MAP3K2: variants seen among roughly 807,000 people sequenced by gnomAD.
The protein encoded by MAP3K2 is MAP/ERK kinase kinase 2.
A neutral mutation model predicts 80.3 loss-of-function variants in MAP3K2; 24 were observed. The ratio of observed to expected loss-of-function variants is 0.30; its 90% CI spans 0.22 to 0.42. MAP3K2 has a LOEUF of 0.42. MAP3K2 is among the 10% of genes least tolerant of loss of function. The pLI is 1.00. For synonymous variants in MAP3K2, 244 were observed against 253.7 expected (o/e 0.96, Z 0.36); for missense variants, 608 against 750.1 (o/e 0.81, Z 2.21).
intron 1 of MAP3K2, among the ~76,000 whole-genome samples, chr2:127,386,706 G>A (rs1574013604): frequency 6.6e-6 from 1 of 152,146 alleles, no homozygotes; most frequent in South Asian, 2.1e-4. Flanking sequence ...TTTGGCAAAA[G>A]ATATCGAAGA....
chr2:127,333,300 A>ACC (rs1477268165), intron 5 of MAP3K2, among the ~76,000 whole-genome samples: 1 of 151,314 alleles, frequency 6.6e-6, no homozygotes, highest in Non-Finnish European at 1.5e-5. Flanking sequence ...ACACACACAC[A>ACC]CACACCCCTT....
At position 127,384,351 on chromosome 2, in the gene MAP3K2, A is replaced by G. The variant is rs372677896; in HGVS notation, c.-66+3101T>C. 5.3e-5 allele frequency among the ~76,000 whole-genome samples: 8 copies of G among 152,294 alleles called. No individual in the cohort carries two copies. The East Asian group carries it at 1.2e-3, about 22-fold the overall frequency. On this transcript the variant is annotated intron_variant, in intron 1 of 16. Coordinates refer to ENST00000682094, the MANE Select transcript of MAP3K2 (RefSeq NM_001371910.2). ...CAAACGAAATACATTTTGTAAGGCT[A>G]TAACTACCATAGACAGTGATCAGAT...
At position 127,371,691 on chromosome 2, in the gene MAP3K2, G is replaced by C. The variant is rs545406567; in HGVS notation, c.-66+15761C>G. Among the ~76,000 whole-genome samples the C allele has an allele frequency of 9.9e-5, 15 of 152,272 alleles. 1 individual carries two copies. The South Asian group carries it at 3.1e-3, about 32-fold the overall frequency. ...GCCAAAATATTGGCTATGGCATTAAGGCCTCCTAAAGTGAAAAGGGAGGGA... is the reference window on the plus strand; with the variant it reads ...GCCAAAATATTGGCTATGGCATTAACGCCTCCTAAAGTGAAAAGGGAGGGA... On this transcript the variant is annotated intron_variant, in intron 1 of 16. Coordinates refer to ENST00000682094, the MANE Select transcript of MAP3K2 (RefSeq NM_001371910.2).
chr2:127,359,777 T>G (rs1164738520), intron 1 of MAP3K2, among the ~76,000 whole-genome samples: 1 of 152,170 alleles, frequency 6.6e-6, no homozygotes, highest in Non-Finnish European at 1.5e-5. Context: ...CTCTTCCTCC[T>G]GCTCTGGCCA....
Position 127,302,108 on chromosome 2 carries a change from T to TACTG in MAP3K2, c.*5470_*5471insCAGT. 6.6e-6 allele frequency: 1 copy of TACTG among 152,332 alleles called. No homozygotes were observed. Among genetic ancestry groups the TACTG allele is most frequent in the Admixed American group, 6.5e-5 (1 of 15,296 alleles). 9.4% of individuals were successfully genotyped at this position (152,332 alleles called of 1,614,324 possible). A position where few individuals can be genotyped will look rare whatever the true frequency, so the allele number is the denominator to read the frequency against. ...CTTATTTTGATAATGTTTGGCAGAA[T>TACTG]TTCAGTTCCAAAAAGTTCAGGAAGA... On this transcript the variant is annotated 3_prime_UTR_variant, in exon 17 of 17. Transcript: ENST00000682094.
intron 1 of MAP3K2, among the ~76,000 whole-genome samples, chr2:127,357,302 C>T (rs1035827884): frequency 2.0e-5 from 3 of 152,156 alleles, no homozygotes; most frequent in Non-Finnish European, 4.4e-5. Flanking sequence ...GTCTGGGCAA[C>T]ATAGCAAGAA....
intron 1 of MAP3K2, among the ~76,000 whole-genome samples, chr2:127,367,290 G>A (rs1015101709): frequency 6.6e-6 from 1 of 152,070 alleles, no homozygotes; most frequent in East Asian, 1.9e-4. Flanking sequence ...GAGCAACTAA[G>A]AAGTTTTGTA....
intron 1 of MAP3K2, among the ~76,000 whole-genome samples, chr2:127,385,570 G>C (rs1038562026): frequency 1.3e-5 from 2 of 152,160 alleles, no homozygotes; most frequent in Non-Finnish European, 2.9e-5. Flanking sequence ...GCCTGTACAT[G>C]TACCTATAGA....
chr2:127,387,406 A>ACACACACACACACACACACC (rs1687382628), intron 1 of MAP3K2, 46 bp downstream of exon 1: 1 of 623,062 alleles, frequency 1.6e-6, no homozygotes, highest in African/African-American at 2.3e-5. Flanking sequence ...GCGCACACAC[A>ACACACACACACACACACACC]CACACACACA....
At chr2:127,373,425 T>G (rs534909897) in intron 1 of MAP3K2, among the ~76,000 whole-genome samples, 1 of 152,188 alleles carries the variant, frequency 6.6e-6, no homozygotes, top group Non-Finnish European at 1.5e-5. Flanking sequence ...CTTACACACC[T>G]TAAATGATTA....
intron 1 of MAP3K2, among the ~76,000 whole-genome samples, chr2:127,343,940 G>C (rs1266517752): frequency 6.6e-6 from 1 of 152,136 alleles, no homozygotes; most frequent in Non-Finnish European, 1.5e-5. Context: ...AGGATCACTT[G>C]AGCCTGGGAG....
rs774945204 is a variant in MAP3K2 at position 127,338,935 on chromosome 2, T to G, written c.120A>C (p.Lys40Asn). 3 of 1,586,136 alleles carry G rather than the reference T, an allele frequency of 1.9e-6. No homozygotes were observed. In the South Asian group the frequency reaches 3.5e-5, roughly 18 times the overall value. The change falls in exon 3 of 17, where the codon AAA becomes AAC. Residue 40 changes from lysine to asparagine, a missense_variant. By Grantham distance (94) the Lys-to-Asn change is moderately conservative (BLOSUM62 0). Transcript: ENST00000682094. ...TRKAKSSSPK[K>N]QNDVRVKFEH... is the part of the protein sequence containing the mutation. ...AAATACTTATTAAAATAAATACCTG[T>G]TTTTTTGGTGATGAAGATTTTGCTT...
intron 1 of MAP3K2, among the ~76,000 whole-genome samples, chr2:127,358,513 G>A (rs1686831358): frequency 6.6e-6 from 1 of 152,180 alleles, no homozygotes; most frequent in African/African-American, 2.4e-5. Flanking sequence ...GCCAAAACTT[G>A]GAAGCAAGGT....
At chr2:127,347,827 C>T (rs1001234557) in intron 1 of MAP3K2, among the ~76,000 whole-genome samples, 2 of 152,104 alleles carry the variant, frequency 1.3e-5, no homozygotes, top group African/African-American at 4.8e-5. Context: ...CATCTGTCAT[C>T]AGGGAAATGC....
intron 10 of MAP3K2, 68 bp downstream of exon 10, chr2:127,324,106 C>T (rs12622436): frequency 2.6e-6 from 3 of 1,167,044 alleles, no homozygotes; most frequent in Non-Finnish European, 3.6e-6. Context: ...AATCCCCCCT[C>T]TCCCTCCCAG....
At chr2:127,375,081 A>G (rs902941614) in intron 1 of MAP3K2, among the ~76,000 whole-genome samples, 10 of 152,254 alleles carry the variant, frequency 6.6e-5, no homozygotes, top group Admixed American at 1.3e-4. Context: ...GGAAAGACGT[A>G]AACAGTAATG....
At chr2:127,316,769 A>C (rs977925945) in intron 14 of MAP3K2, 3 of 152,226 alleles carry the variant, frequency 2.0e-5, no homozygotes, top group African/African-American at 7.2e-5. Context: ...AGCTTCATCT[A>C]TGACGTATCA....
In MAP3K2 at chr2:127,387,905, C is replaced by T; in HGVS notation, c.-519G>A. 1.0e-6 allele frequency: 1 copy of T among 982,132 alleles called. No homozygotes were observed. The highest frequency in any genetic ancestry group is 1.2e-6 in the Non-Finnish European group (1 of 827,182). 60.8% of individuals were successfully genotyped at this position (982,132 alleles called of 1,614,324 possible). ...AACCCCCGAACGCTGCGCCCAGCGGCCGCGGCACCCTCGTCAGGCGCCGCC... is the reference window on the plus strand; with the variant it reads ...AACCCCCGAACGCTGCGCCCAGCGGTCGCGGCACCCTCGTCAGGCGCCGCC... On this transcript the variant is annotated 5_prime_UTR_variant, in exon 1 of 17. Coordinates refer to ENST00000682094, the MANE Select transcript of MAP3K2 (RefSeq NM_001371910.2).
At chr2:127,369,097 A>G (rs1186742022) in intron 1 of MAP3K2, among the ~76,000 whole-genome samples, 1 of 124,972 alleles carries the variant, frequency 8.0e-6, no homozygotes, top group Non-Finnish European at 1.7e-5. Flanking sequence ...ACAGGCACGC[A>G]TCACCACGCC....
Sources: allele counts gnomAD v4.1 joint callset (sites outside exome capture counted in the v4.1 genomes callset), GRCh38; gene constraint gnomAD v4.1.1; transcripts MANE v1.5; gene names NCBI Gene and HGNC (gene_info 2026-07-23, HGNC 2026-07-21).